The following SV2C variants were observed in gnomAD, a reference collection of about 807,000 sequenced individuals.
The protein encoded by SV2C is solute carrier family 22 member B3.
A neutral mutation model predicts 79.7 loss-of-function variants in SV2C; 49 were observed. The observed-to-expected ratio is 0.61, with a 90% CI of 0.49 to 0.78. The LOEUF (loss-of-function observed/expected upper bound fraction) is 0.78. Among genes scored for constraint, SV2C ranks in the 30% least tolerant of loss-of-function variants. SV2C has a pLI of 0.00. For missense variants in SV2C, 833 were observed against 912.9 expected (o/e 0.91, Z 1.13); for synonymous variants, 334 against 333.2 (o/e 1.00, Z -0.03).
At chr5:76,224,397 G>A (rs1441726568) in intron 4 of SV2C, among the ~76,000 whole-genome samples, 1 of 152,092 alleles carries the variant, frequency 6.6e-6, no homozygotes, top group African/African-American at 2.4e-5. Flanking sequence ...TAACTGTTCT[G>A]AAAATACCCT....
At chr5:76,318,348 G>A (rs1024150917) in intron 12 of SV2C, among the ~76,000 whole-genome samples, 7 of 152,102 alleles carry the variant, frequency 4.6e-5, no homozygotes, top group African/African-American at 1.7e-4. Context: ...AACCTGGGAG[G>A]CGGAGGTTGC....
At chr5:75,995,529 CAGTT>C in the SV2C span, among the ~76,000 whole-genome samples, 380 of 152,172 alleles carry the variant, frequency 2.5e-3, no homozygotes, top group African/African-American at 8.8e-3. Flanking sequence ...ATACAATAGT[CAGTT>C]AGAAATGCTA....
intron 3 of SV2C, among the ~76,000 whole-genome samples, chr5:76,201,127 G>A (rs531165601): frequency 6.6e-6 from 1 of 152,236 alleles, no homozygotes; most frequent in East Asian, 1.9e-4. Flanking sequence ...TCCTGCCTGG[G>A]GACAACAGCG....
At chr5:75,998,191 C>G in the SV2C span, among the ~76,000 whole-genome samples, 2 of 151,590 alleles carry the variant, frequency 1.3e-5, no homozygotes, top group African/African-American at 4.9e-5. Flanking sequence ...GGGCCTGATA[C>G]GGGGTGGGAG....
At chr5:75,956,119 C>T in the SV2C span, among the ~76,000 whole-genome samples, 15,238 of 141,096 alleles carry the variant, frequency 0.11, 2,262 homozygotes, top group African/African-American at 0.36. Flanking sequence ...CGGCATTATT[C>T]ACAATAGCAA....
At chr5:76,296,542 G>A (rs1158104909) in intron 9 of SV2C, among the ~76,000 whole-genome samples, 1 of 152,128 alleles carries the variant, frequency 6.6e-6, no homozygotes, top group Non-Finnish European at 1.5e-5. Context: ...CAGGGAGGTG[G>A]TCCTGGGTCA....
intron 4 of SV2C, among the ~76,000 whole-genome samples, chr5:76,269,589 T>C (rs149481434): frequency 2.4e-4 from 36 of 152,286 alleles, no homozygotes; most frequent in African/African-American, 8.2e-4. Context: ...TAGTCTGCAA[T>C]TGGTACTCGA....
the SV2C span, among the ~76,000 whole-genome samples, chr5:75,934,475 A>C: frequency 2.6e-5 from 4 of 151,622 alleles, no homozygotes; most frequent in Non-Finnish European, 5.9e-5. Context: ...TTTAGTAGAG[A>C]CGGGGTTTCA....
intron 4 of SV2C, among the ~76,000 whole-genome samples, chr5:76,253,506 C>T (rs532860536): frequency 6.6e-6 from 1 of 152,100 alleles, no homozygotes; most frequent in South Asian, 2.1e-4. Flanking sequence ...AGATTAATGA[C>T]ATGGTTTTAT....
intron 1 of SV2C, among the ~76,000 whole-genome samples, chr5:76,111,328 C>A (rs1052361275): frequency 4.6e-5 from 7 of 152,000 alleles, no homozygotes; most frequent in African/African-American, 1.7e-4. Flanking sequence ...ACCTGCCTGT[C>A]TTAAGGAATC....
the SV2C span, among the ~76,000 whole-genome samples, chr5:75,878,610 T>C: frequency 1.3e-5 from 2 of 152,144 alleles, no homozygotes; most frequent in African/African-American, 4.8e-5. Flanking sequence ...CAATCTGTCA[T>C]AGCTGTTTTA....
chr5:76,109,736 G>A (rs1748040297), intron 1 of SV2C, among the ~76,000 whole-genome samples: 1 of 152,140 alleles, frequency 6.6e-6, no homozygotes, highest in African/African-American at 2.4e-5. Context: ...TGGCCACCGT[G>A]GGAAGCTGGG....
the SV2C span, among the ~76,000 whole-genome samples, chr5:75,963,190 A>ATCACCT: frequency 1.3e-5 from 2 of 152,012 alleles, no homozygotes; most frequent in Admixed American, 1.3e-4. Context: ...CGTTCCACTG[A>ATCACCT]TCACCTTTGA....
the SV2C span, among the ~76,000 whole-genome samples, chr5:76,057,229 T>TTTTTTG: frequency 6.6e-6 from 1 of 152,172 alleles, no homozygotes; most frequent in African/African-American, 2.4e-5. Context: ...ATGAAGTAAG[T>TTTTTTG]TTTTTGTTTT....
chr5:76,247,769 TAAAACAG>T (rs1745987197), intron 4 of SV2C, among the ~76,000 whole-genome samples: 1 of 152,214 alleles, frequency 6.6e-6, no homozygotes, highest in Non-Finnish European at 1.5e-5. Context: ...CTTTTTGTAT[TAAAACAG>T]AAAACAGTTG....
chr5:75,947,017 A>G, the SV2C span, among the ~76,000 whole-genome samples: 1 of 152,132 alleles, frequency 6.6e-6, no homozygotes, highest in African/African-American at 2.4e-5. Context: ...GAGTCTGGTC[A>G]GTGACCATGC....
chr5:76,314,079 G>C (rs1748544891), intron 12 of SV2C, among the ~76,000 whole-genome samples: 1 of 152,176 alleles, frequency 6.6e-6, no homozygotes, highest in South Asian at 2.1e-4. Context: ...GGTTGCATGT[G>C]TACTTGTTTA....
chr5:76,098,365 A>T (rs1253898615), intron 1 of SV2C, among the ~76,000 whole-genome samples: 1 of 152,178 alleles, frequency 6.6e-6, no homozygotes, highest in Non-Finnish European at 1.5e-5. Flanking sequence ...AATGAAACTG[A>T]TTTAAGGGCA....
chr5:76,325,473 G>T lies in SV2C; in HGVS notation c.2110G>T (p.Ala704Ser), dbSNP rs1748966428. ...CACCAAATCAATCCCCATCCTGCTGGCTTCTACTGTGCTCGTGTGTGGAGG... is the reference window on the plus strand; with the variant it reads ...CACCAAATCAATCCCCATCCTGCTGTCTTCTACTGTGCTCGTGTGTGGAGG... Reference protein sequence around the residue: ...SITKSIPILLASTVLVCGGLV... With the variant: ...SITKSIPILLSSTVLVCGGLV... The change falls in exon 13 of 13, where the codon GCT becomes TCT. Residue 704 changes from alanine (A) to serine (S), a missense_variant. Ala to Ser is a moderately conservative substitution (Grantham distance 99). Coordinates refer to ENST00000502798, the MANE Select transcript of SV2C (RefSeq NM_014979.4). 1 of 1,614,166 alleles carries T rather than the reference G, an allele frequency of 6.2e-7. No individual in the cohort carries two copies. The highest frequency in any genetic ancestry group is 1.1e-5 in the South Asian group (1 of 91,080).
Sources: allele counts gnomAD v4.1 joint callset (sites outside exome capture counted in the v4.1 genomes callset), GRCh38; gene constraint gnomAD v4.1.1; transcripts MANE v1.5; gene names NCBI Gene and HGNC (gene_info 2026-07-23, HGNC 2026-07-21).